SLC6A16: variants seen among roughly 807,000 people sequenced by gnomAD.
The protein encoded by SLC6A16 is solute carrier family 6 member 16.
A neutral mutation model predicts 65.4 loss-of-function variants in SLC6A16; 54 were observed. The ratio of observed to expected loss-of-function variants is 0.83; its 90% CI spans 0.66 to 1.04. SLC6A16 has a LOEUF of 1.04. SLC6A16 is among the 50% of genes least tolerant of loss of function. SLC6A16 has a pLI of 0.00. For missense variants in SLC6A16, 816 were observed against 914.0 expected (o/e 0.89, Z 1.38); for synonymous variants, 330 against 346.5 (o/e 0.95, Z 0.53).
intron 1 of SLC6A16, among the ~76,000 whole-genome samples, chr19:49,318,008 A>G (rs899271004): frequency 1.3e-5 from 2 of 152,144 alleles, no homozygotes; most frequent in African/African-American, 4.8e-5. Context: ...TGAGGAGGCA[A>G]AAGTCAGTTC....
At chr19:49,302,788 A>T (rs1413179360) in intron 7 of SLC6A16, among the ~76,000 whole-genome samples, 1 of 152,226 alleles carries the variant, frequency 6.6e-6, no homozygotes, top group African/African-American at 2.4e-5. Flanking sequence ...AAAGGCACTG[A>T]AAATATGAAA....
At chr19:49,311,587 C>G (rs1364754521) in intron 1 of SLC6A16, among the ~76,000 whole-genome samples, 176 bp from the exon 2 acceptor site, 2 of 152,072 alleles carry the variant, frequency 1.3e-5, no homozygotes, top group East Asian at 1.9e-4. Context: ...TGGTGGCTCA[C>G]GCTGTAATCC....
intron 1 of SLC6A16, among the ~76,000 whole-genome samples, chr19:49,313,112 AATATGTTTATATC>A (rs1970555528): frequency 6.6e-6 from 1 of 150,720 alleles, no homozygotes; most frequent in African/African-American, 2.4e-5. Flanking sequence ...GATGGCTACA[AATATGTTTATATC>A]CTTATCCCTG....
In SLC6A16 at chr19:49,290,237, G is replaced by A; in HGVS notation, c.2097C>T (p.Ala699=). Residue 699 remains alanine (A), a synonymous_variant, in exon 12 of 12, where the codon GCC becomes GCT. Coordinates refer to ENST00000335875, the MANE Select transcript of SLC6A16 (RefSeq NM_014037.3). ...RPKSGDGPMT[A]STSLPLSHQL... The stretch of plus-strand genomic sequence containing the variant: ...GGTGACTTAGGGGTAGGGATGTGGA[G>A]GCTGTCATAGGCCCGTCTCCGCTCT... The A allele has an allele frequency of 6.2e-7, 1 of 1,614,148 alleles. No individual in the cohort carries two copies.
At chr19:49,332,414 G>C in the SLC6A16 span, 1 of 383,426 alleles carries the variant, frequency 2.6e-6, no homozygotes, top group Admixed American at 3.2e-5. Context: ...AATCAGCTGG[G>C]TGTGCTGGCA....
At chr19:49,313,895 G>A (rs531148720) in intron 1 of SLC6A16, among the ~76,000 whole-genome samples, 1 of 152,192 alleles carries the variant, frequency 6.6e-6, no homozygotes, top group Non-Finnish European at 1.5e-5. Context: ...AGGAGATCGA[G>A]ACCATCCTGG....
At chr19:49,303,717 C>T (rs553396511) in intron 7 of SLC6A16, among the ~76,000 whole-genome samples, 68 of 151,828 alleles carry the variant, frequency 4.5e-4, no homozygotes, top group Middle Eastern at 6.8e-3. Flanking sequence ...TCTCATCTAA[C>T]GCCCTTCAGT....
At chr19:49,312,022 G>A (rs147726796) in intron 1 of SLC6A16, among the ~76,000 whole-genome samples, 2,641 of 150,194 alleles carry the variant, frequency 0.018, 72 homozygotes, top group African/African-American at 0.054. Context: ...GATTACAGGC[G>A]CCCACTACCA....
intron 7 of SLC6A16, among the ~76,000 whole-genome samples, chr19:49,295,324 G>C (rs892772606): frequency 6.6e-6 from 1 of 151,694 alleles, no homozygotes; most frequent in Admixed American, 6.6e-5. Flanking sequence ...AGGTTGCAGT[G>C]AGCCGAGATC....
chr19:49,323,353 A>AACAG (rs141802126), intron 1 of SLC6A16, among the ~76,000 whole-genome samples: 3,378 of 152,340 alleles, frequency 0.022, 120 homozygotes, highest in African/African-American at 0.071. Flanking sequence ...CAAAAGAAGA[A>AACAG]ACAAACAGGA....
At chr19:49,296,080 C>T (rs1291355455) in intron 7 of SLC6A16, among the ~76,000 whole-genome samples, 1 of 152,190 alleles carries the variant, frequency 6.6e-6, no homozygotes, top group Non-Finnish European at 1.5e-5. Context: ...ACCTCCGCCT[C>T]CCAGGTTCGA....
upstream of SLC6A16, among the ~76,000 whole-genome samples, chr19:49,329,339 A>G (rs887709416): frequency 6.6e-6 from 1 of 152,090 alleles, no homozygotes; most frequent in African/African-American, 2.4e-5. Flanking sequence ...TGCCTGCCTC[A>G]GCCTCCCAAA....
At chr19:49,310,821 G>T in intron 2 of SLC6A16, 112 bp downstream of exon 2, 1 of 881,302 alleles carries the variant, frequency 1.1e-6, no homozygotes. Flanking sequence ...CCTGCTCAGA[G>T]CACCAGGTCT....
intron 7 of SLC6A16, among the ~76,000 whole-genome samples, chr19:49,305,592 CAAAAAAAAA>C (rs566209079): frequency 9.3e-6 from 1 of 107,030 alleles, no homozygotes; most frequent in Non-Finnish European, 1.9e-5. Context: ...AGATCTGTCT[CAAAAAAAAA>C]AAAAAAAAAG....
intron 10 of SLC6A16, 42 bp from the exon 11 acceptor site, chr19:49,290,809 T>C: frequency 6.4e-7 from 1 of 1,552,438 alleles, no homozygotes; most frequent in Non-Finnish European, 8.7e-7. Context: ...CAGTTAGGCC[T>C]CACCACCTTG....
At chr19:49,312,983 T>A (rs934857136) in intron 1 of SLC6A16, among the ~76,000 whole-genome samples, 2 of 147,506 alleles carry the variant, frequency 1.4e-5, no homozygotes, top group Non-Finnish European at 3.0e-5. Context: ...CTCAGGAGGC[T>A]GAGGCAGGAG....
At chr19:49,337,192 G>A in the SLC6A16 span, 2 of 1,614,138 alleles carry the variant, frequency 1.2e-6, no homozygotes, top group South Asian at 1.1e-5. Context: ...GATCACCCTG[G>A]GAATCCTCAT....
chr19:49,329,523 C>T (rs1432673016), upstream of SLC6A16, among the ~76,000 whole-genome samples: 3 of 151,926 alleles, frequency 2.0e-5, no homozygotes, highest in East Asian at 1.9e-4. Flanking sequence ...TGGCTTGCAC[C>T]TGTAGTCCCA....
At chr19:49,335,953 T>G in the SLC6A16 span, 1 of 652,724 alleles carries the variant, frequency 1.5e-6, no homozygotes, top group Non-Finnish European at 2.7e-6. The surrounding 1 kb of genome is among the most constrained non-coding windows in gnomAD (Gnocchi z 4.6). Context: ...TTCCGGCAAA[T>G]GGGGTTGTGC....
Sources: allele counts gnomAD v4.1 joint callset (sites outside exome capture counted in the v4.1 genomes callset), GRCh38; gene constraint gnomAD v4.1.1; non-coding constraint Gnocchi (gnomAD v3.1); transcripts MANE v1.5; gene names NCBI Gene and HGNC (gene_info 2026-07-23, HGNC 2026-07-21).